CNTNAP5: variants seen among roughly 807,000 people sequenced by gnomAD.
CNTNAP5 encodes contactin associated protein family member 5.
Under a neutral mutation model 150.2 loss-of-function variants are expected in CNTNAP5, and 72 were observed. The ratio of observed to expected loss-of-function variants is 0.48; its 90% confidence interval spans 0.40 to 0.58. The LOEUF (loss-of-function observed/expected upper bound fraction) is 0.58, where lower values mean the gene tolerates loss of function less well. CNTNAP5 is among the 20% of genes least tolerant of loss of function. The pLI is 0.00. For synonymous variants in CNTNAP5, 672 were observed against 619.8 expected, an observed-to-expected ratio of 1.08 and a Z score of -1.25; for missense variants, 1,636 against 1,626.2, an observed-to-expected ratio of 1.01 and a Z score of -0.10.
intron 1 of CNTNAP5, among the ~76,000 whole-genome samples, chr2:124,079,954 C>T (rs948465567): frequency 1.3e-5 from 2 of 152,146 alleles, no homozygotes; most frequent in African/African-American, 2.4e-5. Flanking sequence ...AAATGAATTG[C>T]TACTCATAGA....
chr2:124,475,881 A>G (rs1186153259), intron 7 of CNTNAP5, among the ~76,000 whole-genome samples: 2 of 152,080 alleles, frequency 1.3e-5, no homozygotes, highest in African/African-American at 2.4e-5. Flanking sequence ...GCAAATTTAC[A>G]TTTAATGTAA....
At chr2:124,337,028 T>C (rs371302045) in intron 3 of CNTNAP5, among the ~76,000 whole-genome samples, 47 of 152,208 alleles carry the variant, frequency 3.1e-4, no homozygotes, top group Non-Finnish European at 5.9e-4. Flanking sequence ...ACATCCTCTC[T>C]AGCACCTGTT....
intron 13 of CNTNAP5, among the ~76,000 whole-genome samples, chr2:124,700,457 C>A (rs1348440058): frequency 6.6e-6 from 1 of 152,088 alleles, no homozygotes; most frequent in Non-Finnish European, 1.5e-5. Flanking sequence ...AGAAGCTGCA[C>A]CATTTTACAT....
intron 11 of CNTNAP5, among the ~76,000 whole-genome samples, chr2:124,591,060 A>G (rs113787200): frequency 1.2e-4 from 19 of 152,288 alleles, no homozygotes; most frequent in Admixed American, 2.0e-4. Context: ...ACATTAATAT[A>G]AAAATCTATT....
intron 13 of CNTNAP5, among the ~76,000 whole-genome samples, chr2:124,721,757 A>T: frequency 6.6e-6 from 1 of 152,142 alleles, no homozygotes; most frequent in Non-Finnish European, 1.5e-5. Context: ...TATCAGGAGG[A>T]ATCCTAAACA....
At chr2:124,402,418 C>A (rs1392812319) in intron 3 of CNTNAP5, among the ~76,000 whole-genome samples, 2 of 152,168 alleles carry the variant, frequency 1.3e-5, no homozygotes, top group South Asian at 4.1e-4. Context: ...GAGTCGATAG[C>A]GACTCCCTGA....
intron 7 of CNTNAP5, among the ~76,000 whole-genome samples, chr2:124,475,617 A>T (rs933172894): frequency 6.6e-6 from 1 of 151,920 alleles, no homozygotes; most frequent in Non-Finnish European, 1.5e-5. Flanking sequence ...ATTCTGGTGG[A>T]TTCACTCTTT....
chr2:124,902,742 A>C, intron 21 of CNTNAP5, 140 bp from the exon 22 acceptor site: 1 of 538,930 alleles, frequency 1.9e-6, no homozygotes, highest in East Asian at 2.8e-5. Context: ...ATAAAGAGAG[A>C]TAGATAGGGG....
intron 1 of CNTNAP5, among the ~76,000 whole-genome samples, chr2:124,091,812 T>G (rs17278676): frequency 0.25 from 37,507 of 152,066 alleles, 4,960 homozygotes; most frequent in Non-Finnish European, 0.31. Flanking sequence ...GATTCTTAGG[T>G]AAAAACGGCT....
At chr2:124,070,640 A>T (rs1163779777) in intron 1 of CNTNAP5, among the ~76,000 whole-genome samples, 1 of 152,008 alleles carries the variant, frequency 6.6e-6, no homozygotes, top group Non-Finnish European at 1.5e-5. Context: ...ATACAGGAAA[A>T]GAATGATGAT....
chr2:124,035,267 AT>A (rs1002915766), intron 1 of CNTNAP5, among the ~76,000 whole-genome samples: 2 of 152,004 alleles, frequency 1.3e-5, no homozygotes, highest in East Asian at 1.9e-4. Flanking sequence ...AGTATCTCTT[AT>A]TTTTTAAGTC....
At chr2:124,245,485 TTTTG>T (rs1179894155) in intron 3 of CNTNAP5, among the ~76,000 whole-genome samples, 9 of 152,130 alleles carry the variant, frequency 5.9e-5, no homozygotes, top group African/African-American at 2.2e-4. Flanking sequence ...GTCTAAATTG[TTTTG>T]TTTAACTTTT....
At chr2:124,579,388 T>C (rs1274853044) in intron 11 of CNTNAP5, among the ~76,000 whole-genome samples, 1 of 152,220 alleles carries the variant, frequency 6.6e-6, no homozygotes, top group Non-Finnish European at 1.5e-5. Flanking sequence ...AACAGAAAAG[T>C]ATCTGTGCAG....
chr2:124,131,561 G>C (rs1286326694), intron 1 of CNTNAP5, among the ~76,000 whole-genome samples: 3 of 152,134 alleles, frequency 2.0e-5, no homozygotes, highest in Non-Finnish European at 4.4e-5. Flanking sequence ...TGTGCTGATA[G>C]GTGACTGATC....
At chr2:124,871,645 A>T (rs1239582066) in intron 21 of CNTNAP5, among the ~76,000 whole-genome samples, 1 of 152,132 alleles carries the variant, frequency 6.6e-6, no homozygotes, top group Non-Finnish European at 1.5e-5. Context: ...CCCGGTTGCT[A>T]CCAAGAAGTC....
chr2:124,700,397 T>C (rs1573556177), intron 13 of CNTNAP5, among the ~76,000 whole-genome samples: 1 of 152,228 alleles, frequency 6.6e-6, no homozygotes, highest in South Asian at 2.1e-4. Flanking sequence ...GGCTGGATCA[T>C]ATGGTAATTC....
rs75463284 is a variant in CNTNAP5, at chr2:124,247,344, G to T, written c.381+4951G>T. Among the ~76,000 whole-genome samples, 793 of 152,236 alleles carry T rather than the reference G, an allele frequency of 5.2e-3. 6 individuals carry two copies. The highest frequency in any genetic ancestry group is 0.012 in the African/African-American group (511 of 41,558). On this transcript the variant is annotated intron_variant, in intron 3 of 23. Transcript: ENST00000682447. Reference sequence around the variant, plus strand: ...GGCTTACAAAGGGGCTTAAGCAATGGTTTTTCCCATTTCTGGGTGTGCAGA... The same window carrying T: ...GGCTTACAAAGGGGCTTAAGCAATGTTTTTTCCCATTTCTGGGTGTGCAGA...
rs17011735 is a variant in CNTNAP5, at chr2:124,575,717, G to T, written c.1756+12394G>T. On this transcript the variant is annotated intron_variant, in intron 11 of 23. Transcript: ENST00000682447. ...CTGGCATTAGGTTGAGCTCCTTGAG[G>T]TCATGCACTTTGGCTTTTCTTGTTT... Among the ~76,000 whole-genome samples the T allele has an allele frequency of 7.1e-3, 1,087 of 152,288 alleles. 15 individuals are homozygous for T. Among genetic ancestry groups the T allele is most frequent in the African/African-American group, 0.025 (1,034 of 41,574 alleles).
At chr2:124,533,924 C>T (rs1186060915) in intron 10 of CNTNAP5, among the ~76,000 whole-genome samples, 1 of 152,176 alleles carries the variant, frequency 6.6e-6, no homozygotes, top group South Asian at 2.1e-4. Context: ...TTCTAAAATA[C>T]TTCACAGCCT....
Sources: allele counts gnomAD v4.1 joint callset (sites outside exome capture counted in the v4.1 genomes callset), GRCh38; gene constraint gnomAD v4.1.1; transcripts MANE v1.5; gene names NCBI Gene and HGNC (gene_info 2026-07-23, HGNC 2026-07-21).